The following CDO1 variants were observed in gnomAD, a reference collection of about 807,000 sequenced individuals.
The protein encoded by CDO1 is cysteine dioxygenase, type I.
In CDO1, 19 loss-of-function variants were observed where a neutral mutation model predicts 24.5. That is an observed-to-expected ratio of 0.77 (90% CI 0.54 to 1.14). CDO1 has a LOEUF of 1.14. Among genes scored for constraint, CDO1 ranks in the 50% most tolerant of loss-of-function variants. CDO1 has a pLI of 0.00. For missense variants in CDO1, 244 were observed against 244.8 expected, an observed-to-expected ratio of 1.00 and a Z score of 0.02; for synonymous variants, 91 against 87.0, an observed-to-expected ratio of 1.05 and a Z score of -0.26.
At chr5:115,805,678 C>T (rs1158831372) in intron 4 of CDO1, among the ~76,000 whole-genome samples, 1 of 152,192 alleles carries the variant, frequency 6.6e-6, no homozygotes, top group Non-Finnish European at 1.5e-5. Flanking sequence ...GCCCTGGCTT[C>T]CCTCAGAGGC....
intron 3 of CDO1, among the ~76,000 whole-genome samples, chr5:115,808,682 TG>T (rs1283891169): frequency 6.6e-6 from 1 of 151,996 alleles, no homozygotes; most frequent in Non-Finnish European, 1.5e-5. Context: ...CAAGAGGCCC[TG>T]GGAGAGAGAT....
At chr5:115,810,674 T>C (rs1322335530) in intron 3 of CDO1, among the ~76,000 whole-genome samples, 1 of 152,224 alleles carries the variant, frequency 6.6e-6, no homozygotes, top group Non-Finnish European at 1.5e-5. Flanking sequence ...TTAGAAAAGA[T>C]AAGGAATTCT....
At chr5:115,815,357 C>CA (rs756242316) in intron 1 of CDO1, among the ~76,000 whole-genome samples, 76 of 152,012 alleles carry the variant, frequency 5.0e-4, no homozygotes, top group African/African-American at 1.2e-3. Context: ...GCCGGGGCTG[C>CA]AAAAAAGCCA....
chr5:115,811,910 C>T (rs1483354679), intron 2 of CDO1, among the ~76,000 whole-genome samples: 1 of 152,148 alleles, frequency 6.6e-6, no homozygotes, highest in Non-Finnish European at 1.5e-5. Context: ...CTGTGATTAC[C>T]TTCCAACATT....
chr5:115,808,738 C>CA (rs148482750), intron 3 of CDO1, among the ~76,000 whole-genome samples: 15,271 of 151,848 alleles, frequency 0.1, 2,579 homozygotes, highest in African/African-American at 0.34. Flanking sequence ...CAAAACAAAA[C>CA]AAACAAAACA....
In CDO1 at chr5:115,808,747, C is replaced by CA. The variant is rs755799894; in HGVS notation, c.404-2230dup. 4.6e-5 allele frequency among the ~76,000 whole-genome samples: 7 copies of CA among 151,654 alleles called. No homozygotes were observed. In the South Asian group the frequency reaches 6.2e-4, roughly 13 times the overall value. ...CAAAAACAAAACAAAACAAACAAAACAAAAAAACGAGATGAAATACTCAAT... is the reference window on the plus strand; with the variant it reads ...CAAAAACAAAACAAAACAAACAAAACAAAAAAAACGAGATGAAATACTCAAT... On this transcript the variant is annotated intron_variant, in intron 3 of 4. Transcript: ENST00000250535.
intron 2 of CDO1, among the ~76,000 whole-genome samples, chr5:115,812,848 G>A (rs1366949410): frequency 6.6e-6 from 1 of 151,906 alleles, no homozygotes; most frequent in Non-Finnish European, 1.5e-5. Flanking sequence ...AGGAGTTCGA[G>A]ACCAGCCTAA....
rs1441523728 is a variant in CDO1, at chr5:115,816,267, G to C, written c.131C>G (p.Pro44Arg). ...QAIMEAYESD[P>R]TEWAMYAKFD... ...CTTGGCGTACATTGCCCACTCGGTG[G>C]GGTCGCTCTCGTAGGCTTCCATGAT... The change falls in exon 1 of 5, where the codon CCC becomes CGC. Residue 44 changes from proline (P) to arginine (R), a missense_variant. Coordinates refer to ENST00000250535, the MANE Select transcript of CDO1 (RefSeq NM_001801.3). 12 of 1,614,102 alleles carry C rather than the reference G, an allele frequency of 7.4e-6. No homozygotes were observed. The highest frequency in any genetic ancestry group is 7.6e-6 in the Non-Finnish European group (9 of 1,180,042).
Position 115,806,505 on chromosome 5 carries a change from T to C in CDO1, c.417A>G (p.Leu139=). ...QCAYINDSIG[L]HRVENISHTE... is the part of the protein sequence containing the mutation. ...TATGGCTGATGTTCTCTACTCGATG[T>C]AAGCCAATGGAATCTAAACAATATC... Residue 139 remains leucine (L), a synonymous_variant, in exon 4 of 5, where the codon TTA becomes TTG. Transcript: ENST00000250535. The C allele has an allele frequency of 1.9e-6, 3 of 1,607,554 alleles. No homozygotes were observed. The East Asian group carries it at 6.7e-5, about 36-fold the overall frequency.
intron 4 of CDO1, 133 bp downstream of exon 4, chr5:115,806,216 G>A (rs917062391): frequency 6.2e-6 from 3 of 483,802 alleles, no homozygotes; most frequent in East Asian, 3.5e-5. Context: ...AAAGATAGTC[G>A]CTAAAGTTAA....
chr5:115,805,435 A>C lies in CDO1; in HGVS notation c.601T>G (p.Ter201GluextTer34). Residue 201 changes from the stop codon to glutamate, a stop_lost, in exon 5 of 5, where the codon TAA becomes GAA. Transcript: ENST00000250535. ...NATSGSLENN[*>E] ...AACCTCAGAGGGTTTGGTGCCCCTTAGTTGTTCTCCAGCGAGCCCGAAGTT... is the reference window on the plus strand; with the variant it reads ...AACCTCAGAGGGTTTGGTGCCCCTTCGTTGTTCTCCAGCGAGCCCGAAGTT... The C allele has an allele frequency of 6.2e-7, 1 of 1,613,982 alleles. No individual in the cohort carries two copies. Among genetic ancestry groups the C allele is most frequent in the Non-Finnish European group, 8.5e-7 (1 of 1,179,904 alleles).
intron 2 of CDO1, among the ~76,000 whole-genome samples, chr5:115,812,937 C>T (rs1392488459): frequency 6.7e-6 from 1 of 150,336 alleles, no homozygotes; most frequent in Admixed American, 6.7e-5. Context: ...ATCCCAGCTA[C>T]TCAGGAGGCT....
chr5:115,812,886 A>T (rs919231491), intron 2 of CDO1, among the ~76,000 whole-genome samples: 2 of 151,852 alleles, frequency 1.3e-5, no homozygotes, highest in African/African-American at 4.8e-5. Context: ...CATCTCTACT[A>T]AAAATACAAA....
intron 3 of CDO1, among the ~76,000 whole-genome samples, chr5:115,807,334 C>A (rs191523253): frequency 4.6e-5 from 7 of 152,288 alleles, no homozygotes; most frequent in Admixed American, 4.6e-4. Context: ...AAAGTGAAAT[C>A]CAGTTGACAA....
At position 115,816,569 on chromosome 5, in the gene CDO1, C is replaced by T; in HGVS notation, c.-172G>A. ...AAACGTAAGGATGTCGTCGCAGAGACAGCAAGAGACCCACCCCCAGGCCCC... is the reference window on the plus strand; with the variant it reads ...AAACGTAAGGATGTCGTCGCAGAGATAGCAAGAGACCCACCCCCAGGCCCC... On this transcript the variant is annotated 5_prime_UTR_variant, in exon 1 of 5. Transcript: ENST00000250535. 2 of 689,820 alleles carry T rather than the reference C, an allele frequency of 2.9e-6. No homozygotes were observed. The highest frequency in any genetic ancestry group is 3.6e-5 in the South Asian group (2 of 54,814). The allele number at this position is 689,820 out of a possible 1,614,324, so 42.7% of individuals were successfully genotyped here. A position where few individuals can be genotyped will look rare whatever the true frequency, so the allele number is the denominator to read the frequency against.
At position 115,811,092 on chromosome 5, in the gene CDO1, G is replaced by A. The variant is rs1760166388; in HGVS notation, c.403+69C>T. ...AGGTTCTACTGCATAAAAAGTGTAA[G>A]TAACCAATATTTCAGACAAAAGGTC... On this transcript the variant is annotated intron_variant, in intron 3 of 4. Transcript: ENST00000250535. 4 of 1,403,694 alleles carry A rather than the reference G, an allele frequency of 2.8e-6. No homozygotes were observed. The African/African-American group carries it at 4.3e-5, about 15-fold the overall frequency. The allele number at this position is 1,403,694 out of a possible 1,614,324, so 87.0% of individuals were successfully genotyped here.
rs201589147 is a variant in CDO1 at position 115,813,179 on chromosome 5, A to G, written c.248+2T>C. 6.4e-7 allele frequency: 1 copy of G among 1,552,942 alleles called. No individual in the cohort carries two copies. Among genetic ancestry groups the G allele is most frequent in the Non-Finnish European group, 8.9e-7 (1 of 1,126,144 alleles). On this transcript the variant is annotated splice_donor_variant, in intron 2 of 4. Transcript: ENST00000250535. LOFTEE classifies it high-confidence loss of function. The stretch of plus-strand genomic sequence containing the variant: ...ATATCTGTGAATGAATAGTTATTTT[A>G]CCTGCCATGTCCTTCACCCCAACAG...
chr5:115,813,468 G>A (rs181047330), intron 1 of CDO1, among the ~76,000 whole-genome samples: 2 of 152,286 alleles, frequency 1.3e-5, no homozygotes, highest in East Asian at 3.9e-4. Flanking sequence ...TACAGAGGTA[G>A]CTGCTCAGTT....
At chr5:115,806,048 T>G (rs1374661283) in intron 4 of CDO1, among the ~76,000 whole-genome samples, 1 of 152,232 alleles carries the variant, frequency 6.6e-6, no homozygotes, top group Non-Finnish European at 1.5e-5. Context: ...ATTAGACCTA[T>G]GCATAGTAAG....
Sources: allele counts gnomAD v4.1 joint callset (sites outside exome capture counted in the v4.1 genomes callset), GRCh38; gene constraint gnomAD v4.1.1; transcripts MANE v1.5; gene names NCBI Gene and HGNC (gene_info 2026-07-23, HGNC 2026-07-21).